The following MSRA variants were observed in gnomAD, a reference collection of about 807,000 sequenced individuals.
MSRA encodes methionine sulfoxide reductase A, also known as mitochondrial peptide methionine sulfoxide reductase.
In MSRA, 54 loss-of-function variants were observed where a neutral mutation model predicts 31.3. The ratio of observed to expected loss-of-function variants is 1.73; its 90% CI spans 1.39 to 2.17. MSRA has a LOEUF of 2.17. MSRA is among the 30% of genes most tolerant of loss of function. The pLI, the probability that MSRA is intolerant of heterozygous loss-of-function variation, is 0.00. For synonymous variants in MSRA, 169 were observed against 116.5 expected (o/e 1.45, Z -2.90); for missense variants, 507 against 300.9 (o/e 1.69, Z -5.07).
chr8:10,419,151 C>A lies in MSRA; in HGVS notation c.544-8997C>A, dbSNP rs527787772. Among the ~76,000 whole-genome samples the A allele has an allele frequency of 1.3e-4, 20 of 152,304 alleles. No individual in the cohort carries two copies. The East Asian group carries it at 3.5e-3, about 27-fold the overall frequency. On this transcript the variant is annotated intron_variant, in intron 5 of 5. Transcript: ENST00000317173. ...CCCCCTCCACTCCCTCCCGACCCTG[C>A]TCTGTAGAATTCCTATACAAGGTTC...
At chr8:10,393,510 C>T (rs1806896302) in intron 5 of MSRA, among the ~76,000 whole-genome samples, 1 of 152,202 alleles carries the variant, frequency 6.6e-6, no homozygotes. Flanking sequence ...ACGGTGTTTG[C>T]TGGGCACCGT....
At chr8:10,229,030 C>G (rs956115917) in intron 2 of MSRA, among the ~76,000 whole-genome samples, 7 of 152,184 alleles carry the variant, frequency 4.6e-5, no homozygotes, top group African/African-American at 9.6e-5. Context: ...TCTTGATTCT[C>G]TTTATCATTT....
At chr8:10,106,720 C>A (rs1200333122) in intron 1 of MSRA, among the ~76,000 whole-genome samples, 9 of 152,156 alleles carry the variant, frequency 5.9e-5, no homozygotes, top group Non-Finnish European at 1.0e-4. Flanking sequence ...TGTCATGGGA[C>A]CACCAGGAGA....
intron 5 of MSRA, among the ~76,000 whole-genome samples, chr8:10,418,539 G>A (rs1044292005): frequency 6.6e-6 from 1 of 152,212 alleles, no homozygotes; most frequent in Admixed American, 6.5e-5. Flanking sequence ...AGGATCCTTT[G>A]AAATTATAAG....
At chr8:10,086,129 G>A (rs896774257) in intron 1 of MSRA, among the ~76,000 whole-genome samples, 2 of 152,168 alleles carry the variant, frequency 1.3e-5, no homozygotes, top group African/African-American at 4.8e-5. Context: ...CTGCTAAACT[G>A]TTTATCATGT....
intron 5 of MSRA, among the ~76,000 whole-genome samples, chr8:10,423,007 A>G (rs1261522183): frequency 6.6e-6 from 1 of 152,186 alleles, no homozygotes; most frequent in Non-Finnish European, 1.5e-5. Flanking sequence ...TGTCCAGCAC[A>G]GTGTTTCTGG....
chr8:10,081,483 A>G (rs992705701), intron 1 of MSRA, among the ~76,000 whole-genome samples: 6 of 152,166 alleles, frequency 3.9e-5, no homozygotes, highest in Admixed American at 3.9e-4. Context: ...TTCACACTGA[A>G]TTGACTCCTT....
At chr8:10,131,070 C>T (rs1464416180) in intron 1 of MSRA, among the ~76,000 whole-genome samples, 1 of 152,284 alleles carries the variant, frequency 6.6e-6, no homozygotes, top group East Asian at 1.9e-4. Flanking sequence ...AGGACACATT[C>T]TTGCCTATTG....
chr8:10,315,770 G>A (rs574871250), intron 4 of MSRA, among the ~76,000 whole-genome samples: 3 of 152,236 alleles, frequency 2.0e-5, no homozygotes, highest in East Asian at 3.9e-4. Flanking sequence ...TATTTTGAAC[G>A]TTTTCTAATA....
chr8:10,335,403 A>G (rs1802978940), intron 5 of MSRA, among the ~76,000 whole-genome samples: 2 of 152,050 alleles, frequency 1.3e-5, no homozygotes, highest in Non-Finnish European at 2.9e-5. Flanking sequence ...CAAAGCCGCG[A>G]GGACAGCACT....
chr8:10,330,804 C>G (rs557212817), intron 5 of MSRA, among the ~76,000 whole-genome samples: 1 of 152,310 alleles, frequency 6.6e-6, no homozygotes, highest in East Asian at 1.9e-4. Context: ...TTGACCTGAA[C>G]TGAAGTGATA....
chr8:10,234,206 A>C (rs1381388812), intron 2 of MSRA, among the ~76,000 whole-genome samples: 1 of 152,228 alleles, frequency 6.6e-6, no homozygotes, highest in Non-Finnish European at 1.5e-5. Context: ...AAGCATAAGA[A>C]ACAGTAATTA....
intron 3 of MSRA, among the ~76,000 whole-genome samples, chr8:10,264,522 G>A (rs7014056): frequency 0.69 from 105,530 of 152,076 alleles, 37,247 homozygotes; most frequent in East Asian, 0.84. Flanking sequence ...CTGGGCTAAA[G>A]CCAGTGCTGC....
At chr8:10,186,386 T>C (rs1807057039) in intron 1 of MSRA, among the ~76,000 whole-genome samples, 1 of 152,226 alleles carries the variant, frequency 6.6e-6, no homozygotes, top group Non-Finnish European at 1.5e-5. Context: ...TGAATGAGTG[T>C]GGCTGTGTTC....
chr8:10,394,289 G>C (rs548959657), intron 5 of MSRA, among the ~76,000 whole-genome samples: 1 of 152,170 alleles, frequency 6.6e-6, no homozygotes, highest in Non-Finnish European at 1.5e-5. Context: ...AGCGACGATA[G>C]TTTGTATTTT....
intron 5 of MSRA, among the ~76,000 whole-genome samples, chr8:10,403,534 G>T (rs1046412624): frequency 6.6e-6 from 1 of 152,194 alleles, no homozygotes; most frequent in South Asian, 2.1e-4. Flanking sequence ...GGAGGTGCTC[G>T]CTGGGGAAGG....
At chr8:10,248,559 A>G (rs1460420858) in intron 3 of MSRA, among the ~76,000 whole-genome samples, 1 of 152,158 alleles carries the variant, frequency 6.6e-6, no homozygotes, top group Non-Finnish European at 1.5e-5. Flanking sequence ...TCAACAGGGG[A>G]GAAGTGAGCG....
chr8:10,133,607 A>C (rs1413163928), intron 1 of MSRA, among the ~76,000 whole-genome samples: 2 of 152,190 alleles, frequency 1.3e-5, no homozygotes, highest in Admixed American at 1.3e-4. Context: ...CCTGAGTTTT[A>C]GTATACCCAC....
chr8:10,413,569 T>C (rs1198470667), intron 5 of MSRA, among the ~76,000 whole-genome samples: 1 of 149,386 alleles, frequency 6.7e-6, no homozygotes, highest in Non-Finnish European at 1.5e-5. Context: ...GTTATAAAGG[T>C]GCACCAAGAA....
Sources: gnomAD v4.1 joint callset for allele counts (sites outside exome capture counted in the v4.1 genomes callset) on GRCh38, gnomAD v4.1.1 for gene constraint, MANE v1.5 for transcripts, NCBI Gene and HGNC (gene_info 2026-07-23, HGNC 2026-07-21) for gene names.